The following GNAI1 variants were observed in gnomAD, a reference collection of about 807,000 sequenced individuals.
GNAI1 encodes the protein guanine nucleotide-binding protein G(i) subunit alpha-1.
A neutral mutation model predicts 38.9 loss-of-function variants in GNAI1; 11 were observed. That is an observed-to-expected ratio of 0.28 (90% CI 0.18 to 0.47). The LOEUF (loss-of-function observed/expected upper bound fraction) is 0.47, where lower values mean the gene tolerates loss of function less well. Among genes scored for constraint, GNAI1 ranks in the 20% least tolerant of loss-of-function variants. GNAI1 has a pLI of 0.99. For missense variants in GNAI1, 317 were observed against 436.9 expected (o/e 0.73, Z 2.45); for synonymous variants, 166 against 145.1 (o/e 1.14, Z -1.04).
At chr7:80,205,188 A>G (rs922348518) in intron 5 of GNAI1, among the ~76,000 whole-genome samples, 4 of 152,192 alleles carry the variant, frequency 2.6e-5, no homozygotes, top group Non-Finnish European at 5.9e-5. Flanking sequence ...TTCACACAGT[A>G]TTAAAACCTA....
chr7:80,193,429 A>G (rs994125783), intron 3 of GNAI1, among the ~76,000 whole-genome samples: 1 of 152,338 alleles, frequency 6.6e-6, no homozygotes, highest in Non-Finnish European at 1.5e-5. Context: ...AAGAAATAAA[A>G]TTGTTTTCAA....
At chr7:80,177,285 C>T (rs1788201912) in intron 1 of GNAI1, among the ~76,000 whole-genome samples, 1 of 152,100 alleles carries the variant, frequency 6.6e-6, no homozygotes, top group Non-Finnish European at 1.5e-5. Context: ...CCGCCTCAGC[C>T]TCCCAAAGTG....
At chr7:80,162,102 C>T (rs923524116) in intron 1 of GNAI1, among the ~76,000 whole-genome samples, 6 of 152,024 alleles carry the variant, frequency 3.9e-5, no homozygotes, top group Non-Finnish European at 7.4e-5. Flanking sequence ...GGAATGGAGT[C>T]CTCATGATGG....
chr7:80,216,419 CA>C (rs1788969491), intron 7 of GNAI1, among the ~76,000 whole-genome samples: 1 of 152,100 alleles, frequency 6.6e-6, no homozygotes, highest in Non-Finnish European at 1.5e-5. Context: ...AGAAAGAACA[CA>C]AAGGAAATAT....
At position 80,135,023 on chromosome 7, in the gene GNAI1, C is replaced by G. The variant is rs1787382262; in HGVS notation, c.-138C>G. 2.1e-6 allele frequency: 1 copy of G among 465,276 alleles called. No individual in the cohort carries two copies. Among genetic ancestry groups the G allele is most frequent in the Non-Finnish European group, 3.7e-6 (1 of 269,116 alleles). The allele number at this position is 465,276 out of a possible 1,614,324, so 28.8% of individuals were successfully genotyped here. ...GCGGACAGCGTCTCCCTCGACTCCGCTTAGGAAGTGGTGGGGGCGGCGTGG... is the reference window on the plus strand; with the variant it reads ...GCGGACAGCGTCTCCCTCGACTCCGGTTAGGAAGTGGTGGGGGCGGCGTGG... On this transcript the variant is annotated 5_prime_UTR_variant, in exon 1 of 8. Transcript: ENST00000649796.
At chr7:80,140,880 T>C (rs1787514043) in intron 1 of GNAI1, among the ~76,000 whole-genome samples, 1 of 152,238 alleles carries the variant, frequency 6.6e-6, no homozygotes, top group Non-Finnish European at 1.5e-5. Context: ...CTGGAGATTC[T>C]AGAGGAGAAT....
intron 3 of GNAI1, among the ~76,000 whole-genome samples, chr7:80,192,430 A>C (rs546428645): frequency 6.6e-6 from 1 of 152,302 alleles, no homozygotes; most frequent in African/African-American, 2.4e-5. Flanking sequence ...CAGTGACTTG[A>C]AATTGCTGCC....
chr7:80,167,008 T>G (rs1788021555), intron 1 of GNAI1, among the ~76,000 whole-genome samples: 1 of 152,180 alleles, frequency 6.6e-6, no homozygotes, highest in Non-Finnish European at 1.5e-5. Context: ...CTGTCATCAT[T>G]ATAAATAATA....
At position 80,137,302 on chromosome 7, in the gene GNAI1, T is replaced by TTTTC. The variant is rs1554345706; in HGVS notation, c.118+2027_118+2028insCTTT. On this transcript the variant is annotated intron_variant, in intron 1 of 7. Transcript: ENST00000649796. The stretch of plus-strand genomic sequence containing the variant: ...TTTCTTTTTCTTTTTTCTTTTTTTT[T>TTTTC]TTTTCTTTTCTTTTCTTTTTTTTTT... 1.0e-2 allele frequency among the ~76,000 whole-genome samples: 602 copies of TTTTC among 60,298 alleles called. 12 individuals carry two copies. The highest frequency in any genetic ancestry group is 0.021 in the South Asian group (27 of 1,284). 39.6% of individuals were successfully genotyped at this position (60,298 alleles called of 152,430 possible).
In GNAI1 at chr7:80,177,020, A is replaced by G. The variant is rs573080085; in HGVS notation, c.119-11931A>G. Among the ~76,000 whole-genome samples, 533 of 136,992 alleles carry G rather than the reference A, an allele frequency of 3.9e-3. 4 individuals carry two copies. Among genetic ancestry groups the G allele is most frequent in the African/African-American group, 0.013 (495 of 37,246 alleles). 89.9% of individuals were successfully genotyped at this position (136,992 alleles called of 152,430 possible). A position where few individuals can be genotyped will look rare whatever the true frequency, so the allele number is the denominator to read the frequency against. On this transcript the variant is annotated intron_variant, in intron 1 of 7. Coordinates refer to ENST00000649796, the MANE Select transcript of GNAI1 (RefSeq NM_002069.6). ...GAAGAACAAAAGCATGGATGACAGC[A>G]TATCTTTTTTTTTTTTTTTTTTTTT...
chr7:80,148,774 A>G (rs1368014448), intron 1 of GNAI1, among the ~76,000 whole-genome samples: 2 of 152,098 alleles, frequency 1.3e-5, no homozygotes, highest in Non-Finnish European at 2.9e-5. Context: ...ATTTAGATTG[A>G]TGGTAGTTTT....
At chr7:80,137,087 C>T (rs759923456) in intron 1 of GNAI1, among the ~76,000 whole-genome samples, 11 of 151,986 alleles carry the variant, frequency 7.2e-5, no homozygotes, top group Non-Finnish European at 1.5e-4. Context: ...AAAAGTGTTT[C>T]CACATATTGC....
intron 1 of GNAI1, among the ~76,000 whole-genome samples, chr7:80,138,157 A>G (rs932807040): frequency 3.3e-5 from 5 of 151,476 alleles, no homozygotes; most frequent in African/African-American, 4.9e-5. Flanking sequence ...AATTTAAGGC[A>G]TAAAATCTCT....
At chr7:80,177,778 G>A (rs1788215450) in intron 1 of GNAI1, among the ~76,000 whole-genome samples, 1 of 152,156 alleles carries the variant, frequency 6.6e-6, no homozygotes, top group African/African-American at 2.4e-5. Context: ...CCAGCCTAAT[G>A]TTGTTTTTAC....
Position 80,183,168 on chromosome 7 carries a change from CG to C in GNAI1, c.119-5782del, listed in dbSNP as rs570120051. On this transcript the variant is annotated intron_variant, in intron 1 of 7. Transcript: ENST00000649796. ...TATATACATTTCAAAGAAAGAGAAA[CG>C]TATTTCCAATTATAATTTTTCTAAA... Among the ~76,000 whole-genome samples, 4 of 152,140 alleles carry C rather than the reference CG, an allele frequency of 2.6e-5. No individual in the cohort carries two copies. In the South Asian group the frequency reaches 6.2e-4, roughly 24 times the overall value.
rs1789027783 is a variant in GNAI1 at position 80,219,085 on chromosome 7, T to G, written c.*1592T>G. On this transcript the variant is annotated 3_prime_UTR_variant, in exon 8 of 8. Coordinates refer to ENST00000649796, the MANE Select transcript of GNAI1 (RefSeq NM_002069.6). The stretch of plus-strand genomic sequence containing the variant: ...TAACCATAAACTATATTCATATCTG[T>G]TTCATTTGGAGGATTTTCTTCTTTG... The G allele has an allele frequency of 6.6e-6, 1 of 152,176 alleles. No individual in the cohort carries two copies. Among genetic ancestry groups the G allele is most frequent in the Non-Finnish European group, 1.5e-5 (1 of 67,904 alleles). 9.4% of individuals were successfully genotyped at this position (152,176 alleles called of 1,614,324 possible).
chr7:80,180,061 C>T (rs1291043953), intron 1 of GNAI1, among the ~76,000 whole-genome samples: 3 of 152,108 alleles, frequency 2.0e-5, no homozygotes, highest in Non-Finnish European at 4.4e-5. Context: ...AGAATTGCAG[C>T]TTGGCATAGG....
intron 1 of GNAI1, among the ~76,000 whole-genome samples, chr7:80,155,141 AT>A (rs1481003650): frequency 6.6e-6 from 1 of 152,140 alleles, no homozygotes; most frequent in Admixed American, 6.6e-5. Flanking sequence ...AATATGTGGG[AT>A]TATGCAATTT....
intron 5 of GNAI1, among the ~76,000 whole-genome samples, chr7:80,205,354 T>C (rs924418077): frequency 6.6e-6 from 1 of 152,120 alleles, no homozygotes; most frequent in Admixed American, 6.6e-5. Flanking sequence ...AGATTGATTT[T>C]AAGGAAGATT....
Sources: allele counts gnomAD v4.1 joint callset (sites outside exome capture counted in the v4.1 genomes callset), GRCh38; gene constraint gnomAD v4.1.1; transcripts MANE v1.5; gene names NCBI Gene and HGNC (gene_info 2026-07-23, HGNC 2026-07-21).